Variants in GREB1L observed in about 807,000 individuals in gnomAD.
GREB1L encodes the protein GREB1-like protein.
Under a neutral mutation model 200.8 loss-of-function variants are expected in GREB1L, and 17 were observed. The ratio of observed to expected loss-of-function variants is 0.08; its 90% CI spans 0.06 to 0.13. GREB1L has a LOEUF of 0.13. GREB1L is among the 10% of genes least tolerant of loss of function. The pLI, the probability that GREB1L is intolerant of heterozygous loss-of-function variation, is 1.00. For missense variants in GREB1L, 1,657 were observed against 2,367.7 expected (o/e 0.70, Z 6.23); for synonymous variants, 789 against 893.0 (o/e 0.88, Z 2.08).
chr18:21,289,685 G>A (rs2038416203), intron 1 of GREB1L, among the ~76,000 whole-genome samples: 2 of 152,126 alleles, frequency 1.3e-5, no homozygotes, highest in African/African-American at 4.8e-5. Flanking sequence ...CCTTGATTTA[G>A]CATAGGAAGG....
chr18:21,487,335 A>G (rs1201086417), intron 18 of GREB1L, among the ~76,000 whole-genome samples: 4 of 152,240 alleles, frequency 2.6e-5, no homozygotes, highest in African/African-American at 9.6e-5. Flanking sequence ...TTCTGACTTC[A>G]TGATTCTTCC....
chr18:21,300,220 T>C (rs1034351815), intron 1 of GREB1L, among the ~76,000 whole-genome samples: 8 of 152,192 alleles, frequency 5.3e-5, no homozygotes, highest in Admixed American at 1.3e-4. Flanking sequence ...TTGCAGTTTA[T>C]GGGGTACTTA....
rs1274267669 is a variant in GREB1L, at chr18:21,401,192, G to A, written c.575G>A (p.Arg192Gln). Reference sequence around the variant, plus strand: ...ATCGGCTGTGGAGAAAGAGGATTTCGATATTTCACGGAATTTTCCAACCAC... The same window carrying A: ...ATCGGCTGTGGAGAAAGAGGATTTCAATATTTCACGGAATTTTCCAACCAC... ...NCIGCGERGF[R>Q]YFTEFSNHIN... The change falls in exon 6 of 33, where the codon CGA becomes CAA. Residue 192 changes from arginine to glutamine, a missense_variant. Arg to Gln is a conservative substitution (Grantham distance 43). Around this residue, in one of 9 missense-constraint regions of GREB1L, gnomAD observed 70 missense variants for 151.3 expected, o/e 0.46. Transcript: ENST00000424526. 2 of 1,551,426 alleles carry A rather than the reference G, an allele frequency of 1.3e-6. No individual in the cohort carries two copies. The highest frequency in any genetic ancestry group is 1.7e-6 in the Non-Finnish European group (2 of 1,146,956).
intron 18 of GREB1L, among the ~76,000 whole-genome samples, chr18:21,487,638 G>A (rs2036175433): frequency 6.6e-6 from 1 of 152,140 alleles, no homozygotes; most frequent in Admixed American, 6.6e-5. Flanking sequence ...CTTTGTCTCT[G>A]ATCAGTTGTA....
At chr18:21,318,439 C>T (rs531935047) in intron 1 of GREB1L, among the ~76,000 whole-genome samples, 46 of 152,156 alleles carry the variant, frequency 3.0e-4, no homozygotes, top group African/African-American at 1.1e-3. Flanking sequence ...TTTCTTAATT[C>T]TTTTCATTAT....
chr18:21,376,129 A>T (rs2040060609), intron 2 of GREB1L, among the ~76,000 whole-genome samples: 1 of 151,820 alleles, frequency 6.6e-6, no homozygotes, highest in African/African-American at 2.4e-5. Flanking sequence ...CTTTTTTAAA[A>T]TTTTTTTGAG....
chr18:21,474,016 A>T (rs1173256829), intron 16 of GREB1L, among the ~76,000 whole-genome samples: 1 of 152,226 alleles, frequency 6.6e-6, no homozygotes, highest in Non-Finnish European at 1.5e-5. Flanking sequence ...GTCATCTCCC[A>T]CTGGGTCCCT....
rs1352092304 is a variant in GREB1L, at chr18:21,516,734, A to G, written c.5251A>G (p.Ile1751Val). ...TCAGGTTGGAGGGCAAAGGGACTTTATCATTAAACCAAAGATCATGGTGAG... is the reference window on the plus strand; with the variant it reads ...TCAGGTTGGAGGGCAAAGGGACTTTGTCATTAAACCAAAGATCATGGTGAG... ...HVQVGGQRDF[I>V]IKPKIMVSES... is the part of the protein sequence containing the mutation. The change falls in exon 30 of 33, where the codon ATC becomes GTC. Residue 1751 changes from isoleucine (I) to valine (V), a missense_variant. Around this residue, in one of 9 missense-constraint regions of GREB1L, gnomAD observed 190 missense variants for 230.2 expected, o/e 0.83. Coordinates refer to ENST00000424526, the MANE Select transcript of GREB1L (RefSeq NM_001142966.3). The G allele has an allele frequency of 3.2e-6, 5 of 1,551,566 alleles. No individual in the cohort carries two copies. The highest frequency in any genetic ancestry group is 2.0e-5 in the Admixed American group (1 of 50,988).
chr18:21,481,477 G>GTGTA (rs1285848262), intron 17 of GREB1L, among the ~76,000 whole-genome samples: 3 of 133,276 alleles, frequency 2.3e-5, no homozygotes, highest in Non-Finnish European at 3.2e-5. Context: ...GTGTGTGTGT[G>GTGTA]TATATATATA....
chr18:21,434,499 ATGTGTGTG>A (rs67516917), intron 7 of GREB1L, among the ~76,000 whole-genome samples: 70 of 127,282 alleles, frequency 5.5e-4, no homozygotes, highest in Admixed American at 1.4e-3. Context: ...ATATATATAT[ATGTGTGTG>A]TGTGTGTGTG....
rs557923306 is a variant in GREB1L, at chr18:21,268,785, A to G, written c.-120+26392A>G. On this transcript the variant is annotated intron_variant, in intron 1 of 32. Coordinates refer to ENST00000424526, the MANE Select transcript of GREB1L (RefSeq NM_001142966.3). ...CTAATTTTTGTATTTTTTTGTAGAG[A>G]TGGGGTTTTGCCGTGTTGCCCGGGC... Among the ~76,000 whole-genome samples the G allele has an allele frequency of 4.6e-5, 7 of 150,772 alleles. No homozygotes were observed. In the East Asian group the frequency reaches 1.4e-3, roughly 30 times the overall value.
chr18:21,329,055 G>T (rs1011574042), intron 1 of GREB1L, among the ~76,000 whole-genome samples: 2 of 152,068 alleles, frequency 1.3e-5, no homozygotes, highest in African/African-American at 4.8e-5. Flanking sequence ...AGGCACAGTG[G>T]CTCACACCTT....
At chr18:21,397,042 C>T (rs1380788330) in intron 5 of GREB1L, among the ~76,000 whole-genome samples, 1 of 151,974 alleles carries the variant, frequency 6.6e-6, no homozygotes, top group African/African-American at 2.4e-5. Flanking sequence ...TACATTCTTC[C>T]TAGTTATATA....
At chr18:21,516,062 A>AGT (rs949258581) in intron 29 of GREB1L, among the ~76,000 whole-genome samples, 1 of 152,146 alleles carries the variant, frequency 6.6e-6, no homozygotes, top group Admixed American at 6.5e-5. Context: ...CCTGAATGTT[A>AGT]GTAGGATTCA....
chr18:21,348,454 C>A (rs1029066065), intron 1 of GREB1L, among the ~76,000 whole-genome samples: 1 of 152,014 alleles, frequency 6.6e-6, no homozygotes, highest in African/African-American at 2.4e-5. Flanking sequence ...GCCTGGGTAA[C>A]ATAGTGAGAC....
rs557879607 is a variant in GREB1L, at chr18:21,351,017, G to A, written c.-119-15010G>A. ...GGGAGTTTGAGTTTCTGCCCCTTTC[G>A]TAATAGCAAGAGAGAATGGGTAAGA... On this transcript the variant is annotated intron_variant, in intron 1 of 32. Transcript: ENST00000424526. 1.1e-4 allele frequency among the ~76,000 whole-genome samples: 16 copies of A among 152,020 alleles called. No homozygotes were observed. In the South Asian group the frequency reaches 1.3e-3, roughly 12 times the overall value.
At chr18:21,324,676 G>A (rs1035581885) in intron 1 of GREB1L, among the ~76,000 whole-genome samples, 5 of 152,150 alleles carry the variant, frequency 3.3e-5, no homozygotes, top group Non-Finnish European at 5.9e-5. Flanking sequence ...CAGGCATGGC[G>A]GCATGTGCCT....
In GREB1L at chr18:21,515,557, T is replaced by C; in HGVS notation, c.5042T>C (p.Leu1681Pro). ...KWSSKLTSQS[L>P]KAPFSRCHVH... Reference sequence around the variant, plus strand: ...AGCAGCAAGCTGACTTCTCAGAGCCTAAAGGCCCCATTCTCTAGGTGTCAC... The same window carrying C: ...AGCAGCAAGCTGACTTCTCAGAGCCCAAAGGCCCCATTCTCTAGGTGTCAC... Residue 1681 changes from leucine to proline, a missense_variant, in exon 29 of 33, where the codon CTA becomes CCA. By Grantham distance (98) the Leu-to-Pro change is moderately conservative. Coordinates refer to ENST00000424526, the MANE Select transcript of GREB1L (RefSeq NM_001142966.3). The C allele has an allele frequency of 6.4e-7, 1 of 1,551,678 alleles. No homozygotes were observed. The highest frequency in any genetic ancestry group is 8.7e-7 in the Non-Finnish European group (1 of 1,146,974).
chr18:21,518,119 A>C lies in GREB1L; in HGVS notation c.5357A>C (p.Gln1786Pro). 1 of 1,551,678 alleles carries C rather than the reference A, an allele frequency of 6.4e-7. No individual in the cohort carries two copies. The highest frequency in any genetic ancestry group is 1.7e-4 in the Middle Eastern group (1 of 5,992). ...CACACACTACTGGCAGCCCCTGCAC[A>C]GTTTCTCCTGGAGAAATTCCTTCAG... is the stretch of plus-strand genomic sequence containing the variant. ...SEHTLLAAPA[Q>P]FLLEKFLQHA... The change falls in exon 31 of 33, where the codon CAG becomes CCG. Residue 1786 changes from glutamine (Q) to proline (P), a missense_variant. Transcript: ENST00000424526.
Sources: gnomAD v4.1 joint callset for allele counts (sites outside exome capture counted in the v4.1 genomes callset) on GRCh38, gnomAD v4.1.1 for gene constraint, gnomAD v4.1.1 regional missense constraint, MANE v1.5 for transcripts, NCBI Gene and HGNC (gene_info 2026-07-23, HGNC 2026-07-21) for gene names.